The following MAP2K1 variants were observed in gnomAD, a reference collection of about 807,000 sequenced individuals.
MAP2K1 encodes the protein dual specificity mitogen-activated protein kinase kinase 1.
In MAP2K1, 16 loss-of-function variants were observed where a neutral mutation model predicts 46.3. That is an observed-to-expected ratio of 0.35 (90% CI 0.23 to 0.52). The LOEUF is 0.52. Among genes scored for constraint, MAP2K1 ranks in the 20% least tolerant of loss-of-function variants. The pLI is 0.94. For missense variants in MAP2K1, 263 were observed against 497.1 expected, an observed-to-expected ratio of 0.53 and a Z score of 4.48; for synonymous variants, 183 against 185.6, an observed-to-expected ratio of 0.99 and a Z score of 0.11.
At chr15:66,418,963 T>G (rs1375375901) in intron 1 of MAP2K1, among the ~76,000 whole-genome samples, 13 of 148,086 alleles carry the variant, frequency 8.8e-5, no homozygotes, top group Non-Finnish European at 3.0e-5. Context: ...TTTTTTTTTT[T>G]TTTTCCTTTT....
Position 66,489,743 on chromosome 15 carries a change from G to A in MAP2K1, c.1048G>A (p.Ala350Thr). ...KCLIKNPAERADLKQLMVHAF... is the reference protein window; with the variant it reads ...KCLIKNPAERTDLKQLMVHAF... ...CTTAATAAAAAACCCCGCAGAGAGA[G>A]CAGATTTGAAGCAACTCATGGTGAG... is the stretch of plus-strand genomic sequence containing the variant. Residue 350 changes from alanine to threonine, a missense_variant, in exon 10 of 11, where the codon GCA becomes ACA. Physicochemically the swap from Ala to Thr is moderately conservative, Grantham distance 58. This residue lies in a region of MAP2K1 where 118 missense variants were observed against 193.0 expected (regional missense o/e 0.61). Transcript: ENST00000307102. 6.2e-6 allele frequency: 10 copies of A among 1,613,990 alleles called. No homozygotes were observed. Among genetic ancestry groups the A allele is most frequent in the Non-Finnish European group, 8.5e-6 (10 of 1,179,830 alleles).
chr15:66,408,341 AG>A lies in MAP2K1; in HGVS notation c.80+20916del, dbSNP rs138768990. ...ATACTTGCAATTTTTTAGGATGTGC[AG>A]GAAGCAAAAGAATTATTTTCAGTGA... On this transcript the variant is annotated intron_variant, in intron 1 of 10. Transcript: ENST00000307102. Among the ~76,000 whole-genome samples, 385 of 152,340 alleles carry A rather than the reference AG, an allele frequency of 2.5e-3. 1 individual carries two copies. Among genetic ancestry groups the A allele is most frequent in the African/African-American group, 8.7e-3 (363 of 41,576 alleles).
At chr15:66,411,739 C>T (rs760772760) in intron 1 of MAP2K1, among the ~76,000 whole-genome samples, 7 of 152,166 alleles carry the variant, frequency 4.6e-5, no homozygotes, top group Non-Finnish European at 7.4e-5. Flanking sequence ...ACATTCTTTT[C>T]TAACCAAGGA....
intron 1 of MAP2K1, among the ~76,000 whole-genome samples, chr15:66,392,640 G>GC (rs996648110): frequency 6.9e-5 from 10 of 144,708 alleles, no homozygotes; most frequent in African/African-American, 2.3e-4. Flanking sequence ...CGCAACCTCC[G>GC]CCCCCCAGGT....
intron 1 of MAP2K1, among the ~76,000 whole-genome samples, chr15:66,409,541 C>G (rs1433658881): frequency 6.6e-6 from 1 of 152,182 alleles, no homozygotes; most frequent in African/African-American, 2.4e-5. Context: ...CGCCACGCCT[C>G]TGGGGACTAG....
At chr15:66,479,697 C>G (rs1437711129) in intron 5 of MAP2K1, among the ~76,000 whole-genome samples, 1 of 152,042 alleles carries the variant, frequency 6.6e-6, no homozygotes, top group Non-Finnish European at 1.5e-5. Context: ...TTTTGGAGCA[C>G]CTGCCCTCTG....
chr15:66,487,888 G>C (rs965411031), intron 8 of MAP2K1, among the ~76,000 whole-genome samples: 8 of 152,164 alleles, frequency 5.3e-5, no homozygotes, highest in African/African-American at 1.9e-4. Flanking sequence ...ATACGCCATT[G>C]CGTCTCCTAG....
At chr15:66,420,793 G>GTATATATATGTGTA (rs1208305688) in intron 1 of MAP2K1, among the ~76,000 whole-genome samples, 678 of 34,288 alleles carry the variant, frequency 0.02, 11 homozygotes, top group African/African-American at 0.061. Context: ...ATATATGTGT[G>GTATATATATGTGTA]TATATATATG....
intron 1 of MAP2K1, among the ~76,000 whole-genome samples, chr15:66,404,379 A>T (rs552748673): frequency 5.8e-4 from 88 of 152,232 alleles, no homozygotes; most frequent in Middle Eastern, 3.4e-3. Context: ...ACAAACAAAA[A>T]CAGTGGAATA....
At chr15:66,388,392 G>C (rs532339142) in intron 1 of MAP2K1, among the ~76,000 whole-genome samples, 1 of 152,080 alleles carries the variant, frequency 6.6e-6, no homozygotes, top group African/African-American at 2.4e-5. Flanking sequence ...TTTGGTTGTT[G>C]TTTGCCCAAC....
chr15:66,470,213 G>C (rs984832446), intron 5 of MAP2K1, among the ~76,000 whole-genome samples: 2 of 148,832 alleles, frequency 1.3e-5, no homozygotes, highest in African/African-American at 5.0e-5. Context: ...AAACCCAAGG[G>C]GAAAAAGACC....
intron 10 of MAP2K1, chr15:66,490,086 CT>C: frequency 1.9e-6 from 1 of 536,964 alleles, no homozygotes; most frequent in Non-Finnish European, 3.3e-6. Context: ...ATTCAGCCTC[CT>C]TCCAGAGTCA....
At chr15:66,420,763 GTGTGTATA>G (rs2093437221) in intron 1 of MAP2K1, among the ~76,000 whole-genome samples, 2 of 43,656 alleles carry the variant, frequency 4.6e-5, no homozygotes, top group Non-Finnish European at 1.0e-4. Flanking sequence ...GTGTGTGTAT[GTGTGTATA>G]TATATGTGTA....
At chr15:66,489,084 A>AGT in intron 8 of MAP2K1, 131 bp from the exon 9 acceptor site, 1 of 746,660 alleles carries the variant, frequency 1.3e-6, no homozygotes, top group Admixed American at 1.9e-5. Flanking sequence ...GGATGAGAGT[A>AGT]GTACTGCCTT....
chr15:66,463,005 C>G (rs544246785), intron 5 of MAP2K1, among the ~76,000 whole-genome samples: 1 of 152,206 alleles, frequency 6.6e-6, no homozygotes, highest in Non-Finnish European at 1.5e-5. Context: ...AGGAGGAAGA[C>G]ACCACCTCTC....
chr15:66,483,093 T>G (rs1247525120), intron 6 of MAP2K1, among the ~76,000 whole-genome samples: 1 of 152,216 alleles, frequency 6.6e-6, no homozygotes, highest in Non-Finnish European at 1.5e-5. Flanking sequence ...CTACTTAACC[T>G]TGCTGAGCCA....
At chr15:66,400,500 A>G (rs1439326669) in intron 1 of MAP2K1, among the ~76,000 whole-genome samples, 6 of 152,202 alleles carry the variant, frequency 3.9e-5, no homozygotes, top group Non-Finnish European at 5.9e-5. Flanking sequence ...AAACCTGAGA[A>G]AAAAGCTTAG....
chr15:66,401,961 G>A (rs1017306104), intron 1 of MAP2K1: 2 of 1,345,812 alleles, frequency 1.5e-6, no homozygotes, highest in Admixed American at 4.4e-5. Context: ...GGCTGAGGTG[G>A]TTTTGTGGTT....
intron 1 of MAP2K1, among the ~76,000 whole-genome samples, chr15:66,412,004 C>G (rs1054455308): frequency 6.6e-6 from 1 of 152,154 alleles, no homozygotes; most frequent in East Asian, 1.9e-4. Flanking sequence ...GTTGTTTCCA[C>G]AATTTTGGTC....
Sources: gnomAD v4.1 joint callset for allele counts (sites outside exome capture counted in the v4.1 genomes callset) on GRCh38, gnomAD v4.1.1 for gene constraint, gnomAD v4.1.1 regional missense constraint, MANE v1.5 for transcripts, NCBI Gene and HGNC (gene_info 2026-07-23, HGNC 2026-07-21) for gene names.